Variants in GNB5 observed in about 807,000 individuals in gnomAD.
GNB5 encodes the protein G protein subunit beta 5.
GNB5 carries 37 observed loss-of-function variants against 55.3 expected under a neutral mutation model. The ratio of observed to expected loss-of-function variants is 0.67; its 90% CI spans 0.51 to 0.88. The LOEUF is 0.88. GNB5 is among the 40% of genes least tolerant of loss of function. GNB5 has a pLI of 0.00. For synonymous variants in GNB5, 219 were observed against 198.5 expected (o/e 1.10, Z -0.87); for missense variants, 476 against 515.3 (o/e 0.92, Z 0.74).
intron 11 of GNB5, chr15:52,124,937 G>A (rs2033382489): frequency 4.5e-6 from 1 of 224,304 alleles, no homozygotes; most frequent in South Asian, 1.6e-4. Context: ...GGGCACTGCA[G>A]ACACAAGTAA....
chr15:52,133,338 G>A (rs530303519), intron 9 of GNB5, 40 bp downstream of exon 9: 25 of 1,354,072 alleles, frequency 1.8e-5, no homozygotes, highest in Admixed American at 1.0e-4. Flanking sequence ...AGGCAATGCC[G>A]GCAGAACAGA....
intron 3 of GNB5, among the ~76,000 whole-genome samples, chr15:52,158,248 C>A (rs1274903446): frequency 6.6e-6 from 1 of 152,118 alleles, no homozygotes; most frequent in Non-Finnish European, 1.5e-5. Context: ...CAACCTCGAG[C>A]AAATCATGTA....
chr15:52,167,190 C>G (rs1050185100), intron 3 of GNB5, among the ~76,000 whole-genome samples: 4 of 152,072 alleles, frequency 2.6e-5, no homozygotes, highest in African/African-American at 9.7e-5. Flanking sequence ...AATAAATAGC[C>G]TACCAACAAA....
rs867858778 is a variant in GNB5 at position 52,126,830 on chromosome 15, C to T, written c.913-786G>A. Among the ~76,000 whole-genome samples, 27 of 152,010 alleles carry T rather than the reference C, an allele frequency of 1.8e-4. 1 individual carries two copies. The highest frequency in any genetic ancestry group is 5.3e-4 in the African/African-American group (22 of 41,388). ...TTTTATTTTGAAATGGAATTTCGCT[C>T]GTCACCCAGGCTGGAGTGCAATGGC... On this transcript the variant is annotated intron_variant, in intron 10 of 12. Coordinates refer to ENST00000261837, the MANE Select transcript of GNB5 (RefSeq NM_016194.4).
intron 5 of GNB5, among the ~76,000 whole-genome samples, chr15:52,147,869 C>T (rs968474422): frequency 8.6e-5 from 13 of 152,036 alleles, no homozygotes; most frequent in African/African-American, 2.7e-4. Context: ...GGGTGTGAGC[C>T]CCCATGCCCA....
In GNB5 at chr15:52,116,156, T is replaced by C. The variant is rs934280826; in HGVS notation, c.*6601A>G. 6.6e-6 allele frequency: 1 copy of C among 152,258 alleles called. No individual in the cohort carries two copies. Among genetic ancestry groups the C allele is most frequent in the African/African-American group, 2.4e-5 (1 of 41,468 alleles). The allele number at this position is 152,258 out of a possible 1,614,324, so 9.4% of individuals were successfully genotyped here. On this transcript the variant is annotated 3_prime_UTR_variant, in exon 13 of 13. Transcript: ENST00000261837. ...TCAAATTTCTGTGTGGACATATGTTTTAATTTCCCTTGGGGAGGCTGCCAA... is the reference window on the plus strand; with the variant it reads ...TCAAATTTCTGTGTGGACATATGTTCTAATTTCCCTTGGGGAGGCTGCCAA...
intron 3 of GNB5, among the ~76,000 whole-genome samples, chr15:52,169,893 G>T (rs185609930): frequency 2.1e-4 from 32 of 152,176 alleles, no homozygotes; most frequent in Non-Finnish European, 4.4e-5. Context: ...CCATTAAAAA[G>T]TGGGCAAAGG....
chr15:52,143,393 T>C (rs2033900982), intron 6 of GNB5, among the ~76,000 whole-genome samples: 1 of 152,224 alleles, frequency 6.6e-6, no homozygotes, highest in African/African-American at 2.4e-5. Flanking sequence ...TCTGCTTTAG[T>C]ACCTAACTAA....
chr15:52,185,753 T>TTTTTATTATTA (rs1555409559), intron 1 of GNB5, among the ~76,000 whole-genome samples: 25 of 136,724 alleles, frequency 1.8e-4, no homozygotes, highest in African/African-American at 6.7e-4. Flanking sequence ...TATTCATCTT[T>TTTTTATTATTA]TTATTATTAT....
rs2033168710 is a variant in GNB5, at chr15:52,117,391, A to T, written c.*5366T>A. Reference sequence around the variant, plus strand: ...AATTCTCTCTTCTAGCTACTTGAAAATACACAGTAAATTATTGTTAGCGAT... The same window carrying T: ...AATTCTCTCTTCTAGCTACTTGAAATTACACAGTAAATTATTGTTAGCGAT... On this transcript the variant is annotated 3_prime_UTR_variant, in exon 13 of 13. Transcript: ENST00000261837. The T allele has an allele frequency of 6.6e-6, 1 of 152,144 alleles. No homozygotes were observed. The highest frequency in any genetic ancestry group is 2.4e-5 in the African/African-American group (1 of 41,416). The allele number at this position is 152,144 out of a possible 1,614,324, so 9.4% of individuals were successfully genotyped here. A position where few individuals can be genotyped will look rare whatever the true frequency, so the allele number is the denominator to read the frequency against.
At chr15:52,165,117 T>C (rs913380059) in intron 3 of GNB5, among the ~76,000 whole-genome samples, 3 of 152,110 alleles carry the variant, frequency 2.0e-5, no homozygotes, top group Admixed American at 6.5e-5. Context: ...ATCTCAGAGC[T>C]TGAAGACTAT....
At chr15:52,173,701 G>T (rs1014655379) in intron 3 of GNB5, among the ~76,000 whole-genome samples, 1 of 152,184 alleles carries the variant, frequency 6.6e-6, no homozygotes, top group Admixed American at 6.5e-5. Context: ...AGCTGTCCTG[G>T]GAGCTTGAAT....
At chr15:52,174,251 C>T (rs2034606635) in intron 3 of GNB5, among the ~76,000 whole-genome samples, 2 of 152,184 alleles carry the variant, frequency 1.3e-5, no homozygotes, top group African/African-American at 4.8e-5. Flanking sequence ...TTATAGACCT[C>T]CAGCACTATA....
chr15:52,179,685 C>T, intron 3 of GNB5, 83 bp downstream of exon 3: 1 of 835,428 alleles, frequency 1.2e-6, no homozygotes, highest in Non-Finnish European at 1.6e-6. Context: ...CAGCCACGAC[C>T]GCCCCCACCG....
At chr15:52,173,120 T>C (rs2034585377) in intron 3 of GNB5, among the ~76,000 whole-genome samples, 2 of 152,188 alleles carry the variant, frequency 1.3e-5, no homozygotes, top group Admixed American at 1.3e-4. Context: ...ACTTACATTC[T>C]AGTAAGGGAG....
chr15:52,139,821 G>GC (rs1384458904), intron 7 of GNB5: 2 of 1,258,210 alleles, frequency 1.6e-6, no homozygotes. Flanking sequence ...ACCTACTGGT[G>GC]CCCCCTTTCA....
chr15:52,181,090 C>T (rs886656338), intron 2 of GNB5: 3 of 152,322 alleles, frequency 2.0e-5, no homozygotes, highest in Middle Eastern at 3.4e-3. Context: ...GCTGCGAGAA[C>T]ATCGCCAAGC....
intron 3 of GNB5, among the ~76,000 whole-genome samples, chr15:52,155,541 T>C (rs1275060601): frequency 6.6e-6 from 1 of 152,198 alleles, no homozygotes; most frequent in Non-Finnish European, 1.5e-5. Flanking sequence ...TCTACAGACT[T>C]ATTGAGATAC....
intron 3 of GNB5, among the ~76,000 whole-genome samples, chr15:52,155,249 AG>A (rs1178863357): frequency 1.3e-5 from 2 of 152,228 alleles, no homozygotes; most frequent in East Asian, 3.9e-4. Flanking sequence ...ACAGAGGAAC[AG>A]GGTGGGAAGA....
Sources: gnomAD v4.1 joint callset for allele counts (sites outside exome capture counted in the v4.1 genomes callset) on GRCh38, gnomAD v4.1.1 for gene constraint, MANE v1.5 for transcripts, NCBI Gene and HGNC (gene_info 2026-07-23, HGNC 2026-07-21) for gene names.